The following SOX5 variants were observed in gnomAD, a reference collection of about 807,000 sequenced individuals.
SOX5 encodes SRY-box transcription factor 5.
A neutral mutation model predicts 92.0 loss-of-function variants in SOX5; 9 were observed. That is an observed-to-expected ratio of 0.10 (90% CI 0.06 to 0.17). SOX5 has a LOEUF of 0.17. Among genes scored for constraint, SOX5 ranks in the 10% least tolerant of loss-of-function variants. The pLI is 1.00. For synonymous variants in SOX5, 344 were observed against 336.3 expected, an observed-to-expected ratio of 1.02 and a Z score of -0.25; for missense variants, 642 against 944.5, an observed-to-expected ratio of 0.68 and a Z score of 4.20.
intron 1 of SOX5, among the ~76,000 whole-genome samples, chr12:24,471,294 A>C (rs1280797254): frequency 1.3e-5 from 2 of 152,178 alleles, no homozygotes; most frequent in Non-Finnish European, 2.9e-5. Flanking sequence ...CTGGTAAATC[A>C]TATTCTAATT....
chr12:24,165,973 C>T (rs1953358233), intron 4 of SOX5, among the ~76,000 whole-genome samples: 1 of 151,976 alleles, frequency 6.6e-6, no homozygotes, highest in Admixed American at 6.6e-5. Context: ...GGAAAACAAC[C>T]ATACTAGAAG....
At chr12:24,523,826 G>C (rs1053311510) in intron 1 of SOX5, among the ~76,000 whole-genome samples, 1 of 152,078 alleles carries the variant, frequency 6.6e-6, no homozygotes, top group Non-Finnish European at 1.5e-5. Context: ...TTGTGACATC[G>C]GTCTTGGCAA....
chr12:23,834,315 A>T (rs1292916440), intron 3 of SOX5, among the ~76,000 whole-genome samples: 1 of 151,956 alleles, frequency 6.6e-6, no homozygotes, highest in African/African-American at 2.4e-5. Flanking sequence ...AATAAAGTTA[A>T]GGGAGAACAA....
At chr12:23,757,340 T>C (rs2094423606) in intron 3 of SOX5, among the ~76,000 whole-genome samples, 1 of 152,080 alleles carries the variant, frequency 6.6e-6, no homozygotes, top group Admixed American at 6.6e-5. Flanking sequence ...TCTTAAAATA[T>C]CCCAATTTCT....
At chr12:24,383,148 G>A (rs1025070709) in intron 1 of SOX5, among the ~76,000 whole-genome samples, 1 of 152,250 alleles carries the variant, frequency 6.6e-6, no homozygotes, top group Middle Eastern at 3.4e-3. Flanking sequence ...CAACTCCTGG[G>A]TTCAAGCTAT....
intron 3 of SOX5, among the ~76,000 whole-genome samples, chr12:23,802,244 T>G (rs953314867): frequency 6.6e-6 from 1 of 152,032 alleles, no homozygotes; most frequent in East Asian, 1.9e-4. Context: ...CAGCTAAATT[T>G]TTTTTTTGTG....
At position 24,448,487 on chromosome 12, in the gene SOX5, G is replaced by A. The variant is rs544229012; in HGVS notation, c.-250-79848C>T. On this transcript the variant is annotated intron_variant, in intron 1 of 4. Transcript: ENST00000446891. ...CGAGCATTCAGGCCTCTCCAGGAAAGATATTACCCACGGTGTTGTAGAGGA... is the reference window on the plus strand; with the variant it reads ...CGAGCATTCAGGCCTCTCCAGGAAAAATATTACCCACGGTGTTGTAGAGGA... Among the ~76,000 whole-genome samples the A allele has an allele frequency of 2.6e-5, 4 of 152,312 alleles. No homozygotes were observed. In the South Asian group the frequency reaches 8.3e-4, roughly 32 times the overall value.
chr12:24,530,401 G>T (rs1253135015), intron 1 of SOX5, among the ~76,000 whole-genome samples: 1 of 152,082 alleles, frequency 6.6e-6, no homozygotes, highest in Non-Finnish European at 1.5e-5. Context: ...ATATTATGTG[G>T]GTAATAGCTA....
intron 4 of SOX5, among the ~76,000 whole-genome samples, chr12:24,122,775 T>G (rs1593361802): frequency 6.6e-6 from 1 of 152,178 alleles, no homozygotes; most frequent in East Asian, 1.9e-4. Flanking sequence ...CTGAAAAATA[T>G]GAAAACAAAA....
chr12:23,973,165 T>TTC (rs1427282132), intron 4 of SOX5, among the ~76,000 whole-genome samples: 3 of 148,310 alleles, frequency 2.0e-5, no homozygotes, highest in South Asian at 4.3e-4. Flanking sequence ...TTTTTCTTTT[T>TTC]TTTTTTTTTT....
intron 1 of SOX5, among the ~76,000 whole-genome samples, chr12:24,416,741 C>T (rs925423158): frequency 3.3e-5 from 5 of 152,136 alleles, no homozygotes; most frequent in African/African-American, 1.2e-4. Context: ...GTTTGAATAA[C>T]AATATTACAA....
intron 6 of SOX5, among the ~76,000 whole-genome samples, chr12:23,683,917 T>C (rs1440261233): frequency 6.6e-6 from 1 of 151,846 alleles, no homozygotes; most frequent in South Asian, 2.1e-4. Flanking sequence ...GTTAAAAATA[T>C]TGAAGTTAAC....
chr12:24,323,828 G>A (rs1378908577), intron 2 of SOX5, among the ~76,000 whole-genome samples: 1 of 152,042 alleles, frequency 6.6e-6, no homozygotes, highest in Non-Finnish European at 1.5e-5. Flanking sequence ...GACCAATAAA[G>A]TTTATTTATA....
chr12:23,645,939 T>A (rs1220784580), intron 7 of SOX5, among the ~76,000 whole-genome samples: 1 of 152,210 alleles, frequency 6.6e-6, no homozygotes, highest in Non-Finnish European at 1.5e-5. Context: ...ACAGTACATA[T>A]AAGTCGTGTT....
intron 8 of SOX5, among the ~76,000 whole-genome samples, chr12:23,616,196 G>C (rs992785046): frequency 9.2e-5 from 14 of 152,182 alleles, no homozygotes; most frequent in African/African-American, 2.9e-4. Context: ...AAAAAATGAA[G>C]AGTAGACAGG....
chr12:23,621,161 C>T (rs1169456795), intron 8 of SOX5, among the ~76,000 whole-genome samples: 3 of 151,994 alleles, frequency 2.0e-5, no homozygotes, highest in Middle Eastern at 3.4e-3. Flanking sequence ...TTGAGGGATA[C>T]GTGCAACAAC....
intron 2 of SOX5, among the ~76,000 whole-genome samples, chr12:24,317,718 C>T (rs1241103208): frequency 1.3e-5 from 2 of 152,300 alleles, no homozygotes; most frequent in East Asian, 1.9e-4. Context: ...TCATTCAGGC[C>T]GTTACACCTT....
intron 2 of SOX5, among the ~76,000 whole-genome samples, chr12:24,307,530 A>C (rs755285005): frequency 0.088 from 483 of 5,488 alleles, 47 homozygotes; most frequent in African/African-American, 0.17. Flanking sequence ...CGGCCCCCCC[A>C]CCCACCCACT....
chr12:23,949,704 T>C (rs1266105775), upstream of SOX5: 20 of 1,582,944 alleles, frequency 1.3e-5, no homozygotes, highest in Non-Finnish European at 1.5e-5. Context: ...TGATTTTCTC[T>C]CTGTCTCTTC....
Sources: gnomAD v4.1 joint callset for allele counts (sites outside exome capture counted in the v4.1 genomes callset) on GRCh38, gnomAD v4.1.1 for gene constraint, MANE v1.5 for transcripts, NCBI Gene and HGNC (gene_info 2026-07-23, HGNC 2026-07-21) for gene names.